IGSF10: variants seen among roughly 807,000 people sequenced by gnomAD.
The protein encoded by IGSF10 is calvaria mechanical force protein 608.
Under a neutral mutation model 128.2 loss-of-function variants are expected in IGSF10, and 126 were observed. The ratio of observed to expected loss-of-function variants is 0.98; its 90% CI spans 0.85 to 1.14. The LOEUF is 1.14. Ranked by LOEUF, IGSF10 falls within the 50% of genes most tolerant of loss-of-function variation. IGSF10 has a pLI of 0.00. For synonymous variants in IGSF10, 1,185 were observed against 1,146.2 expected, an observed-to-expected ratio of 1.03 and a Z score of -0.68; for missense variants, 3,295 against 3,149.8, an observed-to-expected ratio of 1.05 and a Z score of -1.10.
At chr3:151,467,004 C>T in the IGSF10 span, among the ~76,000 whole-genome samples, 5 of 151,886 alleles carry the variant, frequency 3.3e-5, no homozygotes, top group Non-Finnish European at 7.4e-5. Flanking sequence ...AGACTATGTC[C>T]CACAGAAACA....
chr3:151,549,371 A>G, the IGSF10 span, among the ~76,000 whole-genome samples: 1 of 152,218 alleles, frequency 6.6e-6, no homozygotes, highest in African/African-American at 2.4e-5. Context: ...TGTAGCCTCC[A>G]GCAGGAGAGG....
chr3:151,506,229 A>G, the IGSF10 span, among the ~76,000 whole-genome samples: 1 of 152,178 alleles, frequency 6.6e-6, no homozygotes, highest in African/African-American at 2.4e-5. Flanking sequence ...CTGGGATTAT[A>G]GGCATGAGCC....
chr3:151,501,704 A>C, the IGSF10 span, among the ~76,000 whole-genome samples: 11 of 152,106 alleles, frequency 7.2e-5, no homozygotes, highest in African/African-American at 2.7e-4. Context: ...AATGATAGTC[A>C]ACAAATCTGT....
the IGSF10 span, among the ~76,000 whole-genome samples, chr3:151,476,868 A>G: frequency 1.3e-5 from 2 of 152,208 alleles, no homozygotes; most frequent in Non-Finnish European, 2.9e-5. Context: ...AGTAGACTCA[A>G]GTGCACTATA....
chr3:151,606,530 A>G, the IGSF10 span, among the ~76,000 whole-genome samples: 3 of 152,086 alleles, frequency 2.0e-5, no homozygotes, highest in Admixed American at 6.6e-5. Flanking sequence ...TTGGGAGGAG[A>G]ATGAGTGGAC....
At chr3:151,436,189 C>T (rs1476506492), downstream of IGSF10, 1 of 153,084 alleles carries the variant, frequency 6.5e-6, no homozygotes, top group African/African-American at 2.4e-5. Flanking sequence ...AATCATAAGA[C>T]AGTTCAGTGC....
At chr3:151,512,520 A>G in the IGSF10 span, among the ~76,000 whole-genome samples, 1 of 152,212 alleles carries the variant, frequency 6.6e-6, no homozygotes, top group Non-Finnish European at 1.5e-5. Context: ...GGAAAGATCT[A>G]AAATTGACAC....
the IGSF10 span, among the ~76,000 whole-genome samples, chr3:151,591,448 T>A: frequency 3.3e-3 from 467 of 143,554 alleles, no homozygotes; most frequent in African/African-American, 0.011. Flanking sequence ...AATATATATA[T>A]TATATATATA....
At chr3:151,532,156 T>C in the IGSF10 span, among the ~76,000 whole-genome samples, 1 of 152,044 alleles carries the variant, frequency 6.6e-6, no homozygotes, top group Admixed American at 6.6e-5. Context: ...AACAGACCAA[T>C]AACAAGTTCT....
At chr3:151,582,666 C>T in the IGSF10 span, among the ~76,000 whole-genome samples, 2 of 152,138 alleles carry the variant, frequency 1.3e-5, no homozygotes, top group African/African-American at 4.8e-5. Flanking sequence ...AGCTACCTAT[C>T]ATCCATCTAT....
chr3:151,584,057 C>G, the IGSF10 span, among the ~76,000 whole-genome samples: 1 of 152,110 alleles, frequency 6.6e-6, no homozygotes, highest in African/African-American at 2.4e-5. Flanking sequence ...TATTCTCTCA[C>G]TTTAGTTGTG....
rs764309430 is a variant in IGSF10, at chr3:151,438,615, T to A, written c.5964-18A>T. 1.3e-6 allele frequency: 2 copies of A among 1,589,612 alleles called. No homozygotes were observed. Among genetic ancestry groups the A allele is most frequent in the Non-Finnish European group, 1.7e-6 (2 of 1,162,398 alleles). ...TGCCCACTCTAAGGAGAAAAGAGATTCATTTGAGTGTGCAGCTGTTAGCAA... is the reference window on the plus strand; with the variant it reads ...TGCCCACTCTAAGGAGAAAAGAGATACATTTGAGTGTGCAGCTGTTAGCAA... On this transcript the variant is annotated intron_variant, in intron 7 of 7. Coordinates refer to ENST00000282466, the MANE Select transcript of IGSF10 (RefSeq NM_178822.5).
chr3:151,564,551 G>T, the IGSF10 span, among the ~76,000 whole-genome samples: 6 of 152,122 alleles, frequency 3.9e-5, no homozygotes, highest in Non-Finnish European at 5.9e-5. Flanking sequence ...GAAGCATTGG[G>T]TTTGCATTCA....
the IGSF10 span, among the ~76,000 whole-genome samples, chr3:151,544,403 A>G: frequency 3.3e-5 from 5 of 152,120 alleles, no homozygotes; most frequent in East Asian, 1.9e-4. Context: ...TCTACCTCAC[A>G]TCTTTCTTTT....
At chr3:151,514,884 C>A in the IGSF10 span, among the ~76,000 whole-genome samples, 3 of 152,122 alleles carry the variant, frequency 2.0e-5, no homozygotes, top group African/African-American at 7.2e-5. Flanking sequence ...TCATCATTGG[C>A]CATCAGAGAA....
At chr3:151,481,972 C>T in the IGSF10 span, among the ~76,000 whole-genome samples, 4 of 152,164 alleles carry the variant, frequency 2.6e-5, no homozygotes, top group Non-Finnish European at 5.9e-5. Context: ...GAGATTACTC[C>T]ACTATATCCA....
At chr3:151,490,308 G>A in the IGSF10 span, among the ~76,000 whole-genome samples, 1 of 152,100 alleles carries the variant, frequency 6.6e-6, no homozygotes, top group South Asian at 2.1e-4. Flanking sequence ...TGATAAAGAG[G>A]TCAATTCATC....
chr3:151,529,099 G>A, the IGSF10 span, among the ~76,000 whole-genome samples: 2 of 152,106 alleles, frequency 1.3e-5, 1 homozygote, highest in Non-Finnish European at 2.9e-5. Flanking sequence ...GGTTCAAACT[G>A]GGCAGACCCC....
At chr3:151,504,054 C>T in the IGSF10 span, among the ~76,000 whole-genome samples, 1 of 152,100 alleles carries the variant, frequency 6.6e-6, no homozygotes, top group Non-Finnish European at 1.5e-5. Flanking sequence ...GGCTGCATGA[C>T]ACCAAAACCA....
Sources: gnomAD v4.1 joint callset for allele counts (sites outside exome capture counted in the v4.1 genomes callset) on GRCh38, gnomAD v4.1.1 for gene constraint, MANE v1.5 for transcripts, NCBI Gene and HGNC (gene_info 2026-07-23, HGNC 2026-07-21) for gene names.